The following CRPPA variants were observed in gnomAD, a reference collection of about 807,000 sequenced individuals.
The protein encoded by CRPPA is CDP-L-ribitol pyrophosphorylase A.
In CRPPA, 43 loss-of-function variants were observed where a neutral mutation model predicts 52.0. The ratio of observed to expected loss-of-function variants is 0.83; its 90% CI spans 0.65 to 1.07. The LOEUF is 1.07. Among genes scored for constraint, CRPPA ranks in the 50% least tolerant of loss-of-function variants. CRPPA has a pLI of 0.00. For missense variants in CRPPA, 629 were observed against 551.7 expected (o/e 1.14, Z -1.40); for synonymous variants, 250 against 203.5 (o/e 1.23, Z -1.94).
intron 1 of CRPPA, among the ~76,000 whole-genome samples, chr7:16,407,966 G>T (rs1406993221): frequency 2.0e-5 from 3 of 151,942 alleles, no homozygotes; most frequent in African/African-American, 7.3e-5. Context: ...AAATCAACCA[G>T]GTGTAGTGGC....
At chr7:16,125,744 T>C (rs1236844528) in intron 9 of CRPPA, among the ~76,000 whole-genome samples, 1 of 152,146 alleles carries the variant, frequency 6.6e-6, no homozygotes, top group Non-Finnish European at 1.5e-5. Flanking sequence ...AAGGCCAGTA[T>C]TTTATTGTTG....
chr7:16,373,025 T>A (rs1012741610), intron 3 of CRPPA, among the ~76,000 whole-genome samples: 14 of 152,234 alleles, frequency 9.2e-5, no homozygotes, highest in African/African-American at 3.1e-4. Flanking sequence ...CCAAGTGTGG[T>A]GGCTCATGCC....
At chr7:16,107,945 T>C (rs1474227520) in intron 9 of CRPPA, among the ~76,000 whole-genome samples, 3 of 151,926 alleles carry the variant, frequency 2.0e-5, no homozygotes, top group Non-Finnish European at 2.9e-5. Flanking sequence ...AAATAGACAG[T>C]TATAAGATGT....
chr7:16,183,983 C>A (rs1420510856), intron 9 of CRPPA, among the ~76,000 whole-genome samples: 2 of 152,022 alleles, frequency 1.3e-5, no homozygotes, highest in Non-Finnish European at 2.9e-5. Flanking sequence ...GCTCTGTCAT[C>A]CAGGCTGGAC....
At chr7:16,343,771 C>T (rs1005502693) in intron 3 of CRPPA, among the ~76,000 whole-genome samples, 6 of 152,204 alleles carry the variant, frequency 3.9e-5, no homozygotes, top group East Asian at 3.9e-4. Flanking sequence ...GGGCTGCGCA[C>T]ATGCCCAGGA....
At chr7:16,254,344 C>T (rs1031753600) in intron 8 of CRPPA, among the ~76,000 whole-genome samples, 1 of 152,082 alleles carries the variant, frequency 6.6e-6, no homozygotes, top group Non-Finnish European at 1.5e-5. Context: ...AACCCAAATG[C>T]CCATCAACGA....
At chr7:16,295,629 G>A (rs535710599) in intron 5 of CRPPA, among the ~76,000 whole-genome samples, 1 of 152,184 alleles carries the variant, frequency 6.6e-6, no homozygotes, top group South Asian at 2.1e-4. Flanking sequence ...TTCCACTGGG[G>A]CTTTTCTTAG....
intron 3 of CRPPA, among the ~76,000 whole-genome samples, chr7:16,325,491 T>C (rs1308421403): frequency 6.6e-6 from 1 of 152,152 alleles, no homozygotes; most frequent in East Asian, 1.9e-4. Context: ...GAAGATTCCA[T>C]GGATATTGGA....
chr7:16,376,572 A>G (rs1786894040), intron 2 of CRPPA, among the ~76,000 whole-genome samples: 1 of 152,108 alleles, frequency 6.6e-6, no homozygotes. Flanking sequence ...GCAGAGAAAG[A>G]CTATCATGAA....
rs554992225 is a variant in CRPPA at position 16,376,338 on chromosome 7, A to G, written c.535-97T>C. ...CTCACTTTTGACAGATCTTATTCATACCTTCAACAAGCTACCTTAAGAAAA... is the reference window on the plus strand; with the variant it reads ...CTCACTTTTGACAGATCTTATTCATGCCTTCAACAAGCTACCTTAAGAAAA... On this transcript the variant is annotated intron_variant, in intron 2 of 9. Transcript: ENST00000407010. 57 of 1,188,642 alleles carry G rather than the reference A, an allele frequency of 4.8e-5. No homozygotes were observed. The African/African-American group carries it at 7.8e-4, about 16-fold the overall frequency. 73.6% of individuals were successfully genotyped at this position (1,188,642 alleles called of 1,614,324 possible).
intron 1 of CRPPA, among the ~76,000 whole-genome samples, chr7:16,410,095 C>T (rs577210687): frequency 1.4e-4 from 22 of 152,218 alleles, no homozygotes; most frequent in Non-Finnish European, 2.9e-4. Context: ...ATTCCCTATG[C>T]AGTGTGATTT....
chr7:16,101,276 C>T (rs771917197), intron 9 of CRPPA, among the ~76,000 whole-genome samples: 5 of 152,158 alleles, frequency 3.3e-5, no homozygotes, highest in Non-Finnish European at 5.9e-5. Flanking sequence ...GTGAATCTGT[C>T]TGGTCCTGGG....
At chr7:16,367,246 T>A (rs182918845) in intron 3 of CRPPA, among the ~76,000 whole-genome samples, 1 of 152,036 alleles carries the variant, frequency 6.6e-6, no homozygotes, top group Non-Finnish European at 1.5e-5. Flanking sequence ...GTGCCCCCTA[T>A]CCTAAAACTC....
chr7:16,176,458 T>A (rs559045803), intron 9 of CRPPA, among the ~76,000 whole-genome samples: 15 of 152,108 alleles, frequency 9.9e-5, no homozygotes, highest in African/African-American at 3.4e-4. Flanking sequence ...AAATACAAAT[T>A]GAAACCACAT....
intron 4 of CRPPA, among the ~76,000 whole-genome samples, chr7:16,302,261 A>T (rs1030485893): frequency 7.8e-6 from 1 of 128,758 alleles, no homozygotes; most frequent in Non-Finnish European, 1.5e-5. Context: ...GCGCCACTGC[A>T]CTCCAGCCTG....
intron 9 of CRPPA, among the ~76,000 whole-genome samples, chr7:16,128,155 A>G (rs2128371996): frequency 6.6e-6 from 1 of 152,250 alleles, no homozygotes; most frequent in East Asian, 1.9e-4. Context: ...ACCAGGAAGA[A>G]CTGAATGTAT....
intron 5 of CRPPA, among the ~76,000 whole-genome samples, chr7:16,287,485 T>C (rs544813996): frequency 6.6e-6 from 1 of 152,306 alleles, no homozygotes; most frequent in African/African-American, 2.4e-5. Flanking sequence ...TGGATTGAAC[T>C]GTGTTTCCCC....
intron 3 of CRPPA, among the ~76,000 whole-genome samples, chr7:16,324,419 G>A (rs1785331793): frequency 6.6e-6 from 1 of 152,222 alleles, no homozygotes; most frequent in Admixed American, 6.5e-5. Flanking sequence ...ACAGCCTAAT[G>A]AACCAGTTTG....
intron 1 of CRPPA, among the ~76,000 whole-genome samples, chr7:16,419,724 GA>G (rs1788281675): frequency 6.6e-6 from 1 of 151,738 alleles, no homozygotes; most frequent in African/African-American, 2.4e-5. Context: ...AAGACACCAA[GA>G]AAACCTCACA....
Sources: gnomAD v4.1 joint callset for allele counts (sites outside exome capture counted in the v4.1 genomes callset) on GRCh38, gnomAD v4.1.1 for gene constraint, MANE v1.5 for transcripts, NCBI Gene and HGNC (gene_info 2026-07-23, HGNC 2026-07-21) for gene names.